Variants in KCNS2 observed in about 807,000 individuals in gnomAD.
KCNS2 encodes the protein delayed-rectifier potassium channel regulatory subunit KCNS2.
Under a neutral mutation model 28.3 loss-of-function variants are expected in KCNS2, and 15 were observed. That is an observed-to-expected ratio of 0.53 (90% CI 0.35 to 0.82). The LOEUF is 0.82. KCNS2 is among the 40% of genes least tolerant of loss of function. The pLI is 0.01. For missense variants in KCNS2, 501 were observed against 617.1 expected (o/e 0.81, Z 1.99); for synonymous variants, 254 against 256.7 (o/e 0.99, Z 0.10).
In KCNS2 at chr8:98,428,159, T is replaced by A; in HGVS notation, c.180T>A (p.Asp60Glu). The change falls in exon 2 of 2, where the codon GAT becomes GAA. Residue 60 changes from aspartate to glutamate, a missense_variant. By Grantham distance (45) the Asp-to-Glu change is conservative. Transcript: ENST00000287042. This position sits in a 1 kb window ranked among gnomAD's most constrained non-coding sequence, Gnocchi z 6.7. ...HSREAILELC[D>E]DYDDVQREFY... The stretch of plus-strand genomic sequence containing the variant: ...GCGAGGCCATTCTGGAGCTCTGCGA[T>A]GACTACGACGACGTCCAGCGGGAGT... The A allele has an allele frequency of 1.2e-6, 2 of 1,614,086 alleles. No homozygotes were observed.
In KCNS2 at chr8:98,428,008, C is replaced by G. The variant is rs777451821; in HGVS notation, c.29C>G (p.Ser10Trp). 1 of 1,582,402 alleles carries G rather than the reference C, an allele frequency of 6.3e-7. No homozygotes were observed. Among genetic ancestry groups the G allele is most frequent in the Non-Finnish European group, 8.6e-7 (1 of 1,163,020 alleles). The change falls in exon 2 of 2, where the codon TCG (serine) becomes TGG (tryptophan). Residue 10 changes from serine to tryptophan, a missense_variant. Transcript: ENST00000287042. The surrounding 1 kb of genome is among the most constrained non-coding windows in gnomAD (Gnocchi z 6.7). MTGQSLWDV[S>W]EANVEDGEIR... ...ACCGGCCAGAGCCTGTGGGACGTGTCGGAGGCTAACGTCGAGGACGGGGAG... is the reference window on the plus strand; with the variant it reads ...ACCGGCCAGAGCCTGTGGGACGTGTGGGAGGCTAACGTCGAGGACGGGGAG...
Position 98,431,740 on chromosome 8 carries a change from G to C in KCNS2, c.*2327G>C. 6.0e-6 allele frequency: 1 copy of C among 167,236 alleles called. No homozygotes were observed. The allele number at this position is 167,236 out of a possible 1,614,324, so 10.4% of individuals were successfully genotyped here. On this transcript the variant is annotated 3_prime_UTR_variant, in exon 2 of 2. Transcript: ENST00000287042. ...GTGGTTACCCTTTGCAGATGTGAAA[G>C]CTGGAAAACTTGACTTTTCTTTTTG... is the stretch of plus-strand genomic sequence containing the variant.
At position 98,429,055 on chromosome 8, in the gene KCNS2, C is replaced by A; in HGVS notation, c.1076C>A (p.Ala359Asp). 6.2e-7 allele frequency: 1 copy of A among 1,613,090 alleles called. No homozygotes were observed. ...GAAAAGGAGGAGAACGAGGGCCTGG[C>A]CACCATCCCTGCCTGCTGGTGGTGG... is the stretch of plus-strand genomic sequence containing the variant. ...TIEKEENEGLATIPACWWWAT... is the reference protein window; with the variant it reads ...TIEKEENEGLDTIPACWWWAT... The change falls in exon 2 of 2, where the codon GCC (alanine) becomes GAC (aspartate). Residue 359 changes from alanine to aspartate, a missense_variant. By Grantham distance (126) the Ala-to-Asp change is moderately radical (BLOSUM62 -2). Transcript: ENST00000287042.
intron 1 of KCNS2, chr8:98,427,678 G>T (rs1818257628): frequency 7.5e-6 from 2 of 266,712 alleles, no homozygotes; most frequent in Non-Finnish European, 1.4e-5. Flanking sequence ...GCAGCCCCCT[G>T]GGCGCTCAGA....
chr8:98,431,782 A>G lies in KCNS2; in HGVS notation c.*2369A>G, dbSNP rs1818336968. The G allele has an allele frequency of 6.0e-6, 1 of 167,116 alleles. No homozygotes were observed. Among genetic ancestry groups the G allele is most frequent in the Non-Finnish European group, 1.5e-5 (1 of 68,124 alleles). 10.4% of individuals were successfully genotyped at this position (167,116 alleles called of 1,614,324 possible). ...TTCTTTTTGGTAATGACTTGCATTTATCTGGTGCCTTTCGTTGGAGGAATC... is the reference window on the plus strand; with the variant it reads ...TTCTTTTTGGTAATGACTTGCATTTGTCTGGTGCCTTTCGTTGGAGGAATC... On this transcript the variant is annotated 3_prime_UTR_variant, in exon 2 of 2. Transcript: ENST00000287042.
intron 1 of KCNS2, chr8:98,427,652 T>A: frequency 5.3e-6 from 1 of 187,508 alleles, no homozygotes; most frequent in East Asian, 1.3e-4. Flanking sequence ...GGCCTGCCCA[T>A]GGACAAGGTC....
chr8:98,429,466 T>A lies in KCNS2; in HGVS notation c.*53T>A. ...ACATTGCTGAGCTGCCTCTTGTGCC[T>A]CTGGCACAGCCCAGGCACCTTATGG... On this transcript the variant is annotated 3_prime_UTR_variant, in exon 2 of 2. Coordinates refer to ENST00000287042, the MANE Select transcript of KCNS2 (RefSeq NM_020697.4). 2.3e-5 allele frequency: 30 copies of A among 1,307,864 alleles called. No individual in the cohort carries two copies. Among genetic ancestry groups the A allele is most frequent in the Non-Finnish European group, 3.0e-5 (28 of 920,478 alleles). The allele number at this position is 1,307,864 out of a possible 1,614,324, so 81.0% of individuals were successfully genotyped here.
Position 98,429,035 on chromosome 8 carries a change from G to T in KCNS2, c.1056G>T (p.Lys352Asn), listed in dbSNP as rs1818290634. ...IFSVVAYTIE[K>N]EENEGLATIP... ...CCGTGGTGGCCTACACCATTGAAAA[G>T]GAGGAGAACGAGGGCCTGGCCACCA... Residue 352 changes from lysine to asparagine, a missense_variant, in exon 2 of 2, where the codon AAG (lysine) becomes AAT (asparagine). Physicochemically the swap from Lys to Asn is moderately conservative, Grantham distance 94 (BLOSUM62 0). Transcript: ENST00000287042. 6.2e-7 allele frequency: 1 copy of T among 1,613,442 alleles called. No homozygotes were observed. The highest frequency in any genetic ancestry group is 1.3e-5 in the African/African-American group (1 of 74,900).
In KCNS2 at chr8:98,432,640, A is replaced by G. The variant is rs1818353083; in HGVS notation, c.*3227A>G. ...TGCTAATTCTTGCCGCATTTCAAAG[A>G]AAATAAGTTGTTATGCACTTTGGGA... On this transcript the variant is annotated 3_prime_UTR_variant, in exon 2 of 2. Coordinates refer to ENST00000287042, the MANE Select transcript of KCNS2 (RefSeq NM_020697.4). 6.0e-6 allele frequency: 1 copy of G among 167,146 alleles called. No individual in the cohort carries two copies. The highest frequency in any genetic ancestry group is 2.4e-5 in the African/African-American group (1 of 41,474). The allele number at this position is 167,146 out of a possible 1,614,324, so 10.4% of individuals were successfully genotyped here. A position where few individuals can be genotyped will look rare whatever the true frequency, so the allele number is the denominator to read the frequency against.
intron 1 of KCNS2, chr8:98,427,655 A>C (rs1818257274): frequency 4.8e-6 from 1 of 207,312 alleles, no homozygotes. Context: ...CTGCCCATGG[A>C]CAAGGTCAGC....
Position 98,427,013 on chromosome 8 carries a change from G to C in KCNS2, c.-359G>C, listed in dbSNP as rs1818243990. The C allele has an allele frequency of 6.6e-6, 1 of 150,466 alleles. No homozygotes were observed. The highest frequency in any genetic ancestry group is 2.1e-4 in the South Asian group (1 of 4,816). The allele number at this position is 150,466 out of a possible 1,614,324, so 9.3% of individuals were successfully genotyped here. A position where few individuals can be genotyped will look rare whatever the true frequency, so the allele number is the denominator to read the frequency against. On this transcript the variant is annotated 5_prime_UTR_variant, in exon 1 of 2. Coordinates refer to ENST00000287042, the MANE Select transcript of KCNS2 (RefSeq NM_020697.4). Reference sequence around the variant, plus strand: ...GCCCCGTCACACCCGCTCTGCTCCCGCCCCGGCTCACGGGGCGAATGCGGC... The same window carrying C: ...GCCCCGTCACACCCGCTCTGCTCCCCCCCCGGCTCACGGGGCGAATGCGGC...
At position 98,428,165 on chromosome 8, in the gene KCNS2, C is replaced by T. The variant is rs1563599625; in HGVS notation, c.186C>T (p.Tyr62=). The part of the protein sequence containing the change: ...REAILELCDD[Y]DDVQREFYFD... ...CCATTCTGGAGCTCTGCGATGACTA[C>T]GACGACGTCCAGCGGGAGTTCTACT... is the stretch of plus-strand genomic sequence containing the variant. Residue 62 remains tyrosine (Y), a synonymous_variant, in exon 2 of 2, where the codon TAC becomes TAT. Coordinates refer to ENST00000287042, the MANE Select transcript of KCNS2 (RefSeq NM_020697.4). The surrounding 1 kb of genome is among the most constrained non-coding windows in gnomAD (Gnocchi z 6.7). 3 of 1,614,088 alleles carry T rather than the reference C, an allele frequency of 1.9e-6. No individual in the cohort carries two copies. The highest frequency in any genetic ancestry group is 1.6e-4 in the Middle Eastern group (1 of 6,062).
In KCNS2 at chr8:98,428,897, A is replaced by G; in HGVS notation, c.918A>G (p.Leu306=). ...GGCTGATGCGGATCTTCCGCATCTTAAAGCTGGCCAGGCACTCCACTGGCC... is the reference window on the plus strand; with the variant it reads ...GGCTGATGCGGATCTTCCGCATCTTGAAGCTGGCCAGGCACTCCACTGGCC... ...VLRLMRIFRI[L]KLARHSTGLR... The change falls in exon 2 of 2, where the codon TTA becomes TTG. Residue 306 remains leucine, a synonymous_variant. Transcript: ENST00000287042. This position sits in a 1 kb window ranked among gnomAD's most constrained non-coding sequence, Gnocchi z 6.7. 1 of 1,614,166 alleles carries G rather than the reference A, an allele frequency of 6.2e-7. No individual in the cohort carries two copies. Among genetic ancestry groups the G allele is most frequent in the Non-Finnish European group, 8.5e-7 (1 of 1,180,022 alleles).
rs1281208406 is a variant in KCNS2 at position 98,429,670 on chromosome 8, C to T, written c.*257C>T. On this transcript the variant is annotated 3_prime_UTR_variant, in exon 2 of 2. Coordinates refer to ENST00000287042, the MANE Select transcript of KCNS2 (RefSeq NM_020697.4). The stretch of plus-strand genomic sequence containing the variant: ...TGCATCGTGGGCATAAAATGTTCAC[C>T]TTTTTGCCAGATGAGTACACCCAGA... 4 of 482,604 alleles carry T rather than the reference C, an allele frequency of 8.3e-6. No homozygotes were observed. In the South Asian group the frequency reaches 1.4e-4, roughly 17 times the overall value. The allele number at this position is 482,604 out of a possible 1,614,324, so 29.9% of individuals were successfully genotyped here.
chr8:98,428,623 C>T lies in KCNS2; in HGVS notation c.644C>T (p.Pro215Leu), dbSNP rs749147597. 2 of 1,614,090 alleles carry T rather than the reference C, an allele frequency of 1.2e-6. No homozygotes were observed. The highest frequency in any genetic ancestry group is 1.7e-6 in the Non-Finnish European group (2 of 1,180,058). Residue 215 changes from proline (P) to leucine (L), a missense_variant, in exon 2 of 2, where the codon CCT (proline) becomes CTT (leucine). Coordinates refer to ENST00000287042, the MANE Select transcript of KCNS2 (RefSeq NM_020697.4). The surrounding 1 kb of genome is among the most constrained non-coding windows in gnomAD (Gnocchi z 6.7). Reference protein sequence around the residue: ...CLNSLPDFQIPDSQGNPGEDP... With the variant: ...CLNSLPDFQILDSQGNPGEDP... The stretch of plus-strand genomic sequence containing the variant: ...AATAGCCTGCCCGATTTCCAAATCC[C>T]TGACAGCCAGGGCAACCCTGGCGAG...
At chr8:98,427,853 C>G in intron 1 of KCNS2, 85 bp from the exon 2 acceptor site, 1 of 740,930 alleles carries the variant, frequency 1.3e-6, no homozygotes. Flanking sequence ...CACCAGGAGG[C>G]CTGGGCCCGC....
chr8:98,428,189 C>A lies in KCNS2; in HGVS notation c.210C>A (p.Tyr70Ter). The A allele has an allele frequency of 6.2e-7, 1 of 1,614,174 alleles. No homozygotes were observed. Among genetic ancestry groups the A allele is most frequent in the Non-Finnish European group, 8.5e-7 (1 of 1,180,030 alleles). Reference protein sequence around the residue: ...DDYDDVQREFYFDRNPELFPY... With the variant: ...DDYDDVQREF ...ACGACGACGTCCAGCGGGAGTTCTA[C>A]TTCGACCGCAACCCTGAGCTCTTCC... is the stretch of plus-strand genomic sequence containing the variant. The change falls in exon 2 of 2, where the codon TAC becomes TAA. Residue 70 changes from tyrosine to a stop codon, truncating the protein, a stop_gained. Coordinates refer to ENST00000287042, the MANE Select transcript of KCNS2 (RefSeq NM_020697.4). LOFTEE classifies it high-confidence loss of function. The surrounding 1 kb of genome is among the most constrained non-coding windows in gnomAD (Gnocchi z 6.7).
chr8:98,432,072 T>A lies in KCNS2; in HGVS notation c.*2659T>A, dbSNP rs1818342207. ...ATCTTCCTCTCCCCTAAAGTCTCAC[T>A]AAGGTTTGAAGTTTACAGGTGCTCT... On this transcript the variant is annotated 3_prime_UTR_variant, in exon 2 of 2. Transcript: ENST00000287042. The A allele has an allele frequency of 6.0e-6, 1 of 167,056 alleles. No individual in the cohort carries two copies. The highest frequency in any genetic ancestry group is 6.5e-5 in the Admixed American group (1 of 15,292). The allele number at this position is 167,056 out of a possible 1,614,324, so 10.3% of individuals were successfully genotyped here.
At position 98,429,709 on chromosome 8, in the gene KCNS2, T is replaced by G; in HGVS notation, c.*296T>G. 2 of 371,206 alleles carry G rather than the reference T, an allele frequency of 5.4e-6. No homozygotes were observed. The highest frequency in any genetic ancestry group is 1.0e-5 in the Non-Finnish European group (2 of 196,984). 23.0% of individuals were successfully genotyped at this position (371,206 alleles called of 1,614,324 possible). On this transcript the variant is annotated 3_prime_UTR_variant, in exon 2 of 2. Coordinates refer to ENST00000287042, the MANE Select transcript of KCNS2 (RefSeq NM_020697.4). ...AGTACACCCAGAATGCTAATTTTTC[T>G]GTCCATCGTGTACGCTATTCTAGTG...
Sources: allele counts gnomAD v4.1 joint callset, GRCh38; gene constraint gnomAD v4.1.1; non-coding constraint Gnocchi (gnomAD v3.1); transcripts MANE v1.5; gene names NCBI Gene and HGNC (gene_info 2026-07-23, HGNC 2026-07-21).